Variants in KIAA1671 observed in about 807,000 individuals in gnomAD.
The protein encoded by KIAA1671 is uncharacterized protein KIAA1671.
Under a neutral mutation model 131.2 loss-of-function variants are expected in KIAA1671, and 52 were observed. That is an observed-to-expected ratio of 0.40 (90% confidence interval 0.32 to 0.50). The LOEUF (loss-of-function observed/expected upper bound fraction) is 0.50. KIAA1671 is among the 20% of genes least tolerant of loss of function. The pLI is 0.73. For missense variants in KIAA1671, 2,360 were observed against 2,364.2 expected (o/e 1.00, Z 0.04); for synonymous variants, 1,003 against 961.6 (o/e 1.04, Z -0.80).
At chr22:25,066,425 A>C (rs1928478793) in intron 6 of KIAA1671, among the ~76,000 whole-genome samples, 1 of 152,182 alleles carries the variant, frequency 6.6e-6, no homozygotes, top group South Asian at 2.1e-4. Flanking sequence ...TTGGAATTAC[A>C]GGGGTGAGCC....
chr22:24,977,749 TGGCTCTG>T (rs1225902234), intron 1 of KIAA1671, among the ~76,000 whole-genome samples: 1 of 152,242 alleles, frequency 6.6e-6, no homozygotes, highest in Non-Finnish European at 1.5e-5. Context: ...AGAGGTTTTT[TGGCTCTG>T]GGCTCTGGGC....
intron 1 of KIAA1671, among the ~76,000 whole-genome samples, chr22:24,999,351 C>T (rs2123858073): frequency 6.6e-6 from 1 of 152,312 alleles, no homozygotes; most frequent in Non-Finnish European, 1.5e-5. Context: ...CCACCTCAGC[C>T]TCCTGGGTAG....
At chr22:25,004,513 G>C (rs1286239417) in intron 1 of KIAA1671, among the ~76,000 whole-genome samples, 1 of 152,192 alleles carries the variant, frequency 6.6e-6, no homozygotes, top group Non-Finnish European at 1.5e-5. Flanking sequence ...AGTTACCAAA[G>C]TATAGACAGT....
intron 1 of KIAA1671, among the ~76,000 whole-genome samples, chr22:24,969,013 C>T (rs1038363080): frequency 5.3e-5 from 8 of 152,124 alleles, no homozygotes; most frequent in Middle Eastern, 3.2e-3. Context: ...GATTCTCCCA[C>T]GTCAACCTCC....
chr22:25,112,195 T>TAAACTCACAGTGGCCCAGGGC (rs1385047533), intron 6 of KIAA1671: 1 of 398,946 alleles, frequency 2.5e-6, no homozygotes, highest in African/African-American at 2.1e-5. Context: ...ACCTGGGAGA[T>TAAACTCACAGTGGCCCAGGGC]AAACTCACAG....
chr22:24,984,472 G>C (rs965567187), intron 1 of KIAA1671, among the ~76,000 whole-genome samples: 3 of 152,160 alleles, frequency 2.0e-5, no homozygotes, highest in Admixed American at 6.5e-5. Flanking sequence ...CCAGGACAGG[G>C]AGCACTGATT....
At chr22:25,035,138 G>T (rs1370483338) in intron 4 of KIAA1671, among the ~76,000 whole-genome samples, 2 of 150,476 alleles carry the variant, frequency 1.3e-5, no homozygotes, top group Admixed American at 1.3e-4. Flanking sequence ...TCTGCCTCCT[G>T]GGTTCAAGTA....
chr22:24,959,567 C>T (rs1210830108), intron 1 of KIAA1671, among the ~76,000 whole-genome samples: 10 of 151,104 alleles, frequency 6.6e-5, no homozygotes, highest in Admixed American at 6.6e-4. Context: ...GAGGCACATA[C>T]ACACACACAC....
chr22:25,097,269 C>T (rs1230313684), intron 6 of KIAA1671, among the ~76,000 whole-genome samples: 1 of 152,182 alleles, frequency 6.6e-6, no homozygotes, highest in Non-Finnish European at 1.5e-5. Context: ...ACATCCTCAC[C>T]ATTGTCATTT....
chr22:25,024,897 G>A (rs1925852056), intron 1 of KIAA1671, among the ~76,000 whole-genome samples: 2 of 152,016 alleles, frequency 1.3e-5, no homozygotes, highest in African/African-American at 2.4e-5. Context: ...GCCTCCGAGT[G>A]TATGTGGTGC....
At chr22:25,093,723 ACACACACACACACACTCTCTCTCTCT>A (rs1568950923) in intron 6 of KIAA1671, among the ~76,000 whole-genome samples, 9 of 77,848 alleles carry the variant, frequency 1.2e-4, no homozygotes, top group African/African-American at 5.4e-4. Flanking sequence ...ACACACACAC[ACACACACACACACACTCTCTCTCTCT>A]CTCTCTCTCT....
At chr22:25,171,925 C>A (rs963122820) in intron 7 of KIAA1671, among the ~76,000 whole-genome samples, 1 of 151,882 alleles carries the variant, frequency 6.6e-6, no homozygotes, top group Non-Finnish European at 1.5e-5. Context: ...CTGCATGTGA[C>A]CAATGGCAAA....
At chr22:25,009,976 C>T (rs1454621018) in intron 1 of KIAA1671, 3 of 152,202 alleles carry the variant, frequency 2.0e-5, no homozygotes, top group African/African-American at 7.2e-5. Context: ...CCATTTGTCC[C>T]TCATCCCACT....
intron 3 of KIAA1671, among the ~76,000 whole-genome samples, 177 bp from the exon 4 acceptor site, chr22:25,032,432 C>T (rs1926344585): frequency 6.6e-6 from 1 of 152,226 alleles, no homozygotes; most frequent in African/African-American, 2.4e-5. Flanking sequence ...GGGGCTCCTC[C>T]ACCCCAGTAA....
intron 1 of KIAA1671, among the ~76,000 whole-genome samples, chr22:25,019,990 G>A (rs1925574347): frequency 6.6e-6 from 1 of 152,080 alleles, no homozygotes; most frequent in African/African-American, 2.4e-5. Context: ...TGCTGTGTTT[G>A]GTTAGATAAC....
chr22:24,974,684 TC>T (rs374372301), intron 1 of KIAA1671, among the ~76,000 whole-genome samples: 1 of 137,568 alleles, frequency 7.3e-6, no homozygotes, highest in South Asian at 2.5e-4. Flanking sequence ...CCAGCTCACC[TC>T]TTTTTTTTTT....
At chr22:25,001,544 G>A (rs1374246791) in intron 1 of KIAA1671, among the ~76,000 whole-genome samples, 1 of 152,206 alleles carries the variant, frequency 6.6e-6, no homozygotes, top group African/African-American at 2.4e-5. Flanking sequence ...GCAGGAGAAG[G>A]TGGTGGTCTG....
chr22:25,104,509 C>T (rs940901128), intron 6 of KIAA1671, among the ~76,000 whole-genome samples: 5 of 152,148 alleles, frequency 3.3e-5, no homozygotes, highest in African/African-American at 7.2e-5. Context: ...GAACGTGCCC[C>T]GACTTCCTGG....
chr22:25,162,999 T>C (rs1933498756), intron 6 of KIAA1671, among the ~76,000 whole-genome samples: 1 of 152,208 alleles, frequency 6.6e-6, no homozygotes, highest in South Asian at 2.1e-4. Context: ...TTCACAAAAC[T>C]GGTGTCACAA....
Sources: allele counts gnomAD v4.1 joint callset (sites outside exome capture counted in the v4.1 genomes callset), GRCh38; gene constraint gnomAD v4.1.1; transcripts MANE v1.5; gene names NCBI Gene and HGNC (gene_info 2026-07-23, HGNC 2026-07-21).